ZFP64: variants seen among roughly 807,000 people sequenced by gnomAD.
ZFP64 encodes the protein zinc finger protein 64.
ZFP64 carries 14 observed loss-of-function variants against 51.6 expected under a neutral mutation model. The observed-to-expected ratio is 0.27, with a 90% CI of 0.18 to 0.42. ZFP64 has a LOEUF of 0.42. Ranked by LOEUF, ZFP64 falls within the 10% of genes least tolerant of loss-of-function variation. The probability of loss-of-function intolerance (pLI) is 1.00; values close to 1 mark genes in which losing one functional copy is unlikely to be tolerated. For missense variants in ZFP64, 754 were observed against 906.8 expected, an observed-to-expected ratio of 0.83 and a Z score of 2.16; for synonymous variants, 375 against 361.4, an observed-to-expected ratio of 1.04 and a Z score of -0.43.
intron 2 of ZFP64, among the ~76,000 whole-genome samples, chr20:52,173,326 C>T (rs1336730502): frequency 6.6e-6 from 1 of 152,144 alleles, no homozygotes; most frequent in Non-Finnish European, 1.5e-5. Flanking sequence ...GTGGCTCATG[C>T]CTGTAATCCC....
At chr20:52,096,842 T>C (rs1228201063) in intron 7 of ZFP64, 2 of 294,596 alleles carry the variant, frequency 6.8e-6, no homozygotes, top group Non-Finnish European at 1.4e-5. Flanking sequence ...TGAACTGAGA[T>C]TGCACCACTG....
chr20:52,174,355 G>A (rs6013410), intron 2 of ZFP64, among the ~76,000 whole-genome samples: 2,544 of 151,936 alleles, frequency 0.017, 64 homozygotes, highest in African/African-American at 0.059. Context: ...GTGTGGTGGT[G>A]GGTACCTGTA....
intron 7 of ZFP64, among the ~76,000 whole-genome samples, chr20:52,094,966 G>T (rs1475038006): frequency 6.6e-6 from 1 of 152,160 alleles, no homozygotes; most frequent in Non-Finnish European, 1.5e-5. Flanking sequence ...TAAGACAGAT[G>T]GTTTGAGTTG....
intron 1 of ZFP64, among the ~76,000 whole-genome samples, chr20:52,188,579 C>T (rs1004691922): frequency 6.6e-6 from 1 of 151,586 alleles, no homozygotes; most frequent in African/African-American, 2.4e-5. Flanking sequence ...TCCCAAATCC[C>T]TCCCTGGGAT....
intron 5 of ZFP64, among the ~76,000 whole-genome samples, chr20:52,133,730 C>T (rs1421276175): frequency 6.6e-6 from 1 of 152,100 alleles, no homozygotes; most frequent in African/African-American, 2.4e-5. Flanking sequence ...GTGGTTTCTG[C>T]CTTCTTCAAG....
At chr20:52,084,596 C>G in exon 9 of ZFP64, 1 of 1,613,930 alleles carries the variant, frequency 6.2e-7, no homozygotes, top group Non-Finnish European at 8.5e-7. Flanking sequence ...CCTCGAGCTG[C>G]CCCACGGAGA....
intron 5 of ZFP64, among the ~76,000 whole-genome samples, chr20:52,112,598 G>A (rs1978648949): frequency 6.7e-6 from 1 of 149,084 alleles, no homozygotes; most frequent in South Asian, 2.1e-4. Context: ...TGGGCACCCT[G>A]GTTGTGTTCT....
chr20:52,108,473 A>C (rs1441305491), intron 5 of ZFP64, among the ~76,000 whole-genome samples: 4 of 152,006 alleles, frequency 2.6e-5, no homozygotes, highest in Non-Finnish European at 5.9e-5. Flanking sequence ...CAAAACATCC[A>C]ATCAGAGTTC....
At chr20:52,146,691 G>A (rs1407291926), downstream of ZFP64, among the ~76,000 whole-genome samples, 1 of 152,060 alleles carries the variant, frequency 6.6e-6, no homozygotes, top group African/African-American at 2.4e-5. Flanking sequence ...TAACTAACCT[G>A]CACATTGTGC....
chr20:52,161,790 A>G (rs1981831533), intron 4 of ZFP64, among the ~76,000 whole-genome samples: 1 of 152,188 alleles, frequency 6.6e-6, no homozygotes, highest in South Asian at 2.1e-4. Flanking sequence ...GCATGCAAAT[A>G]TTTCAGAATG....
chr20:52,105,862 TCTCC>T (rs1251496202), intron 5 of ZFP64, among the ~76,000 whole-genome samples: 6 of 151,834 alleles, frequency 4.0e-5, no homozygotes, highest in Non-Finnish European at 7.4e-5. Context: ...AAAAAAGCCG[TCTCC>T]CTCCCTCACC....
In ZFP64 at chr20:52,094,527, G is replaced by A. The variant is rs1443260149; in HGVS notation, c.976+2846C>T. Among the ~76,000 whole-genome samples the A allele has an allele frequency of 4.6e-5, 7 of 152,196 alleles. No homozygotes were observed. In the South Asian group the frequency reaches 1.0e-3, roughly 22 times the overall value. The stretch of plus-strand genomic sequence containing the variant: ...TGTAATCCCAGCACTTTGGAAGGCC[G>A]AGGCAGGAAGATCACTTGAGGCCAG... On this transcript the variant is annotated intron_variant, in intron 7 of 8. Transcript: ENST00000361387.
At chr20:52,172,239 A>G (rs1413233951) in intron 2 of ZFP64, among the ~76,000 whole-genome samples, 2 of 151,276 alleles carry the variant, frequency 1.3e-5, no homozygotes, top group African/African-American at 4.9e-5. Flanking sequence ...GTGTGTGTGT[A>G]CAGTCAGATT....
intron 5 of ZFP64, among the ~76,000 whole-genome samples, chr20:52,154,407 G>A (rs967984407): frequency 6.6e-6 from 1 of 152,120 alleles, no homozygotes; most frequent in Non-Finnish European, 1.5e-5. Flanking sequence ...TGGTCGCCCC[G>A]TAGTACAAAG....
intron 5 of ZFP64, among the ~76,000 whole-genome samples, chr20:52,121,445 C>T (rs556782770): frequency 7.9e-5 from 12 of 152,114 alleles, no homozygotes; most frequent in Admixed American, 2.6e-4. Flanking sequence ...GTCATCTGGA[C>T]GGAGGGTCAA....
intron 2 of ZFP64, among the ~76,000 whole-genome samples, chr20:52,183,741 A>C (rs1983773047): frequency 6.6e-6 from 1 of 152,180 alleles, no homozygotes; most frequent in South Asian, 2.1e-4. Flanking sequence ...CTGTTTAAAA[A>C]ACTCAGTAGA....
intron 7 of ZFP64, among the ~76,000 whole-genome samples, chr20:52,089,952 C>T (rs1370793081): frequency 1.3e-5 from 2 of 152,020 alleles, no homozygotes; most frequent in Non-Finnish European, 2.9e-5. Flanking sequence ...CCTAAAACTG[C>T]TCTTATAAAA....
rs1157661540 is a variant in ZFP64 at position 52,090,934 on chromosome 20, A to AG, written c.977-2292_977-2291insC. On this transcript the variant is annotated intron_variant, in intron 7 of 8. Coordinates refer to the ZFP64 transcript ENST00000361387. ...GTGAGACCCTGACTCTACCAAAAAA[A>AG]AAAAAAAAAAAAAAAAAAGGATTTG... is the stretch of plus-strand genomic sequence containing the variant. Among the ~76,000 whole-genome samples, 417 of 146,552 alleles carry AG rather than the reference A, an allele frequency of 2.8e-3. 3 individuals are homozygous for AG. Among genetic ancestry groups the AG allele is most frequent in the South Asian group, 0.018 (81 of 4,596 alleles).
intron 3 of ZFP64, chr20:52,165,119 A>G (rs550951705): frequency 2.9e-4 from 136 of 467,742 alleles, no homozygotes; most frequent in African/African-American, 2.5e-3. Context: ...GCAATTAGTG[A>G]TCACTGGTTG....
Sources: gnomAD v4.1 joint callset for allele counts (sites outside exome capture counted in the v4.1 genomes callset) on GRCh38, gnomAD v4.1.1 for gene constraint, MANE v1.5 for transcripts, NCBI Gene and HGNC (gene_info 2026-07-23, HGNC 2026-07-21) for gene names.